The following CACNB4 variants were observed in gnomAD, a reference collection of about 807,000 sequenced individuals.
CACNB4 encodes the protein voltage-dependent L-type calcium channel subunit beta-4.
A neutral mutation model predicts 71.2 loss-of-function variants in CACNB4; 32 were observed. That is an observed-to-expected ratio of 0.45 (90% CI 0.34 to 0.60). The LOEUF (loss-of-function observed/expected upper bound fraction) is 0.60. Among genes scored for constraint, CACNB4 ranks in the 20% least tolerant of loss-of-function variants. CACNB4 has a pLI of 0.01. For missense variants in CACNB4, 464 were observed against 647.9 expected (o/e 0.72, Z 3.08); for synonymous variants, 231 against 236.9 (o/e 0.97, Z 0.23).
intron 2 of CACNB4, among the ~76,000 whole-genome samples, chr2:151,898,111 C>A (rs957007887): frequency 1.3e-5 from 2 of 152,152 alleles, no homozygotes; most frequent in African/African-American, 4.8e-5. Context: ...ATTTCTTCTG[C>A]CTGCAAGAAG....
intron 2 of CACNB4, among the ~76,000 whole-genome samples, chr2:152,050,867 C>G (rs898842838): frequency 6.6e-6 from 1 of 152,000 alleles, no homozygotes; most frequent in African/African-American, 2.4e-5. Context: ...CTCGATCTAC[C>G]GGGTTCAAGT....
chr2:152,057,455 T>C (rs1685784064), intron 2 of CACNB4, among the ~76,000 whole-genome samples: 1 of 152,174 alleles, frequency 6.6e-6, no homozygotes, highest in Non-Finnish European at 1.5e-5. Context: ...ATAAACAAAC[T>C]GCCCCTTCAC....
In CACNB4 at chr2:151,934,850, A is replaced by G. The variant is rs578193567; in HGVS notation, c.148-51480T>C. On this transcript the variant is annotated intron_variant, in intron 2 of 13. Coordinates refer to ENST00000539935, the MANE Select transcript of CACNB4 (RefSeq NM_000726.5). ...GACTCCATCTCAAAAAAAAGAAAAA[A>G]TCCTTATTTACCATTTCTATGATCC... Among the ~76,000 whole-genome samples the G allele has an allele frequency of 2.6e-5, 4 of 152,306 alleles. No individual in the cohort carries two copies. In the South Asian group the frequency reaches 8.3e-4, roughly 32 times the overall value.
chr2:152,006,257 C>G (rs769223653), intron 2 of CACNB4, among the ~76,000 whole-genome samples: 1 of 152,132 alleles, frequency 6.6e-6, no homozygotes, highest in Non-Finnish European at 1.5e-5. Context: ...GTGGGATGTG[C>G]TCTATTCAGC....
intron 2 of CACNB4, among the ~76,000 whole-genome samples, chr2:151,919,386 C>T (rs1029282465): frequency 2.6e-5 from 4 of 152,136 alleles, no homozygotes; most frequent in African/African-American, 9.7e-5. Context: ...TGTTAGCCAC[C>T]GCGCCCAGCC....
At chr2:151,872,578 C>G in intron 5 of CACNB4, 85 bp from the exon 6 acceptor site, 2 of 743,212 alleles carry the variant, frequency 2.7e-6, no homozygotes. Flanking sequence ...CTTTGGCCCT[C>G]ATCCTATTAA....
intron 2 of CACNB4, among the ~76,000 whole-genome samples, chr2:151,966,768 A>G (rs917828598): frequency 1.3e-5 from 2 of 152,208 alleles, no homozygotes; most frequent in Non-Finnish European, 2.9e-5. Flanking sequence ...GACTATCAGA[A>G]CCTATAGAAG....
intron 2 of CACNB4, among the ~76,000 whole-genome samples, chr2:151,930,931 C>G (rs534268571): frequency 6.6e-6 from 1 of 152,074 alleles, no homozygotes; most frequent in Non-Finnish European, 1.5e-5. Flanking sequence ...TGGTTGTTAT[C>G]AACTACTTAT....
At chr2:152,074,215 G>A (rs951076211) in intron 2 of CACNB4, among the ~76,000 whole-genome samples, 19 of 151,022 alleles carry the variant, frequency 1.3e-4, no homozygotes, top group African/African-American at 2.0e-4. Flanking sequence ...CACCACCATC[G>A]TTGCCATCTC....
At chr2:151,961,085 C>T (rs2099869537) in intron 2 of CACNB4, among the ~76,000 whole-genome samples, 1 of 152,140 alleles carries the variant, frequency 6.6e-6, no homozygotes, top group African/African-American at 2.4e-5. Flanking sequence ...CCCACCCCTG[C>T]CCGGTCAACA....
intron 5 of CACNB4, among the ~76,000 whole-genome samples, chr2:151,875,622 G>A (rs1559910695): frequency 6.9e-6 from 1 of 145,176 alleles, no homozygotes; most frequent in South Asian, 2.2e-4. Context: ...CAGGCAGGGG[G>A]CTGACCCCTC....
At chr2:151,969,779 TTA>T (rs1332013210) in intron 2 of CACNB4, 5 of 152,250 alleles carry the variant, frequency 3.3e-5, no homozygotes, top group Non-Finnish European at 4.4e-5. Context: ...GTATGTGCTT[TTA>T]TATATACACT....
At chr2:152,093,003 T>C (rs902591181) in intron 2 of CACNB4, among the ~76,000 whole-genome samples, 1 of 152,164 alleles carries the variant, frequency 6.6e-6, no homozygotes, top group Admixed American at 6.6e-5. Flanking sequence ...ATTCTCAAAA[T>C]AGCTACTGTA....
chr2:152,091,867 A>G (rs766885802), intron 2 of CACNB4, among the ~76,000 whole-genome samples: 2 of 152,226 alleles, frequency 1.3e-5, no homozygotes, highest in Non-Finnish European at 2.9e-5. Context: ...CAAGCAAACA[A>G]AAATTCCATC....
intron 2 of CACNB4, among the ~76,000 whole-genome samples, chr2:152,036,750 A>G (rs1158816335): frequency 6.6e-6 from 1 of 152,162 alleles, no homozygotes; most frequent in African/African-American, 2.4e-5. Flanking sequence ...TAGGCTACTC[A>G]GACCATGTTT....
chr2:152,012,227 T>G (rs1056849316), intron 2 of CACNB4, among the ~76,000 whole-genome samples: 2 of 151,900 alleles, frequency 1.3e-5, no homozygotes, highest in Non-Finnish European at 2.9e-5. Context: ...ATCCTTCCAG[T>G]GCGAAAAGAT....
At chr2:152,087,887 A>T (rs1019475836) in intron 2 of CACNB4, among the ~76,000 whole-genome samples, 1 of 152,126 alleles carries the variant, frequency 6.6e-6, no homozygotes, top group Non-Finnish European at 1.5e-5. Context: ...CCTGTCTAAA[A>T]AAAGAAAGAG....
chr2:151,985,427 A>G (rs1190172311), intron 2 of CACNB4, among the ~76,000 whole-genome samples: 3 of 152,150 alleles, frequency 2.0e-5, no homozygotes, highest in Non-Finnish European at 4.4e-5. Context: ...TGCAATTCAG[A>G]TTATTTTCTT....
At chr2:151,928,601 G>C (rs1395861614) in intron 2 of CACNB4, among the ~76,000 whole-genome samples, 2 of 152,180 alleles carry the variant, frequency 1.3e-5, no homozygotes, top group Non-Finnish European at 1.5e-5. Flanking sequence ...TGCAATCTCT[G>C]TGCTTCGTTT....
Sources: gnomAD v4.1 joint callset for allele counts (sites outside exome capture counted in the v4.1 genomes callset) on GRCh38, gnomAD v4.1.1 for gene constraint, MANE v1.5 for transcripts, NCBI Gene and HGNC (gene_info 2026-07-23, HGNC 2026-07-21) for gene names.